Variants in IGSF9 observed in about 807,000 individuals in gnomAD.
IGSF9 encodes immunoglobulin superfamily member 9, also known as protein turtle homolog A.
A neutral mutation model predicts 121.7 loss-of-function variants in IGSF9; 87 were observed. That is an observed-to-expected ratio of 0.71 (90% CI 0.60 to 0.85). The LOEUF is 0.85. IGSF9 is among the 40% of genes least tolerant of loss of function. IGSF9 has a pLI of 0.00. For synonymous variants in IGSF9, 640 were observed against 648.4 expected (o/e 0.99, Z 0.20); for missense variants, 1,462 against 1,565.3 (o/e 0.93, Z 1.11).
chr1:159,939,076 C>T (rs1651290794), intron 3 of IGSF9, among the ~76,000 whole-genome samples: 1 of 152,150 alleles, frequency 6.6e-6, no homozygotes, highest in Admixed American at 6.5e-5. Flanking sequence ...ACCTCCTAAA[C>T]ATTTCCCCTT....
At position 159,937,811 on chromosome 1, in the gene IGSF9, G is replaced by T; in HGVS notation, c.275C>A (p.Ser92Tyr). 6.2e-7 allele frequency: 1 copy of T among 1,614,044 alleles called. No individual in the cohort carries two copies. The highest frequency in any genetic ancestry group is 8.5e-7 in the Non-Finnish European group (1 of 1,179,954). The change falls in exon 4 of 21, where the codon TCT (serine) becomes TAT (tyrosine). Residue 92 changes from serine to tyrosine, a missense_variant. By Grantham distance (144) the Ser-to-Tyr change is moderately radical (BLOSUM62 -2). Coordinates refer to ENST00000368094, the MANE Select transcript of IGSF9 (RefSeq NM_001135050.2). ...VGRVRLQKGA[S>Y]LQIEGLRVED... is the part of the protein sequence containing the mutation. Reference sequence around the variant, plus strand: ...CACCCGGAGACCCTCAATCTGGAGAGAGGCCCCCTTCTGCAGCCGGACTCG... The same window carrying T: ...CACCCGGAGACCCTCAATCTGGAGATAGGCCCCCTTCTGCAGCCGGACTCG...
At position 159,928,683 on chromosome 1, in the gene IGSF9, T is replaced by A. The variant is rs1281489711; in HGVS notation, c.2705A>T (p.Asp902Val). Residue 902 changes from aspartate to valine, a missense_variant, in exon 19 of 21, where the codon GAC (aspartate) becomes GTC (valine). By Grantham distance (152) the Asp-to-Val change is radical (BLOSUM62 -3). Around this residue, in one of 3 missense-constraint regions of IGSF9, gnomAD observed 808 missense variants for 815.2 expected, o/e 0.99. Transcript: ENST00000368094. The part of the protein sequence containing the change: ...SGAPQPLCIE[D>V]ISPVAPPPAA... The stretch of plus-strand genomic sequence containing the variant: ...TGGAGGGGGTGCCACAGGGCTGATG[T>A]CTTCAATGCAGAGGGGCTGGGGTGC... 11 of 1,477,230 alleles carry A rather than the reference T, an allele frequency of 7.4e-6. No individual in the cohort carries two copies. Among genetic ancestry groups the A allele is most frequent in the Non-Finnish European group, 9.9e-6 (11 of 1,112,124 alleles). The allele number at this position is 1,477,230 out of a possible 1,614,324, so 91.5% of individuals were successfully genotyped here.
chr1:159,929,385 G>C lies in IGSF9; in HGVS notation c.2335C>G (p.Leu779Val), dbSNP rs762805461. The change falls in exon 18 of 21, where the codon CTT becomes GTT. Residue 779 changes from leucine to valine, a missense_variant. This residue lies in a region of IGSF9 where 808 missense variants were observed against 815.2 expected (regional missense o/e 0.99). Transcript: ENST00000368094. The part of the protein sequence containing the change: ...RRKRLRQDPP[L>V]IFSPTGKSAA... ...GACTTCCCGGTCGGAGAGAAGATAA[G>C]AGGTGGATCTGGAAGGGCATGAGAA... The C allele has an allele frequency of 1.2e-6, 2 of 1,614,188 alleles. No homozygotes were observed. Among genetic ancestry groups the C allele is most frequent in the Non-Finnish European group, 1.7e-6 (2 of 1,180,014 alleles).
At chr1:159,938,435 C>T (rs992020002) in intron 3 of IGSF9, among the ~76,000 whole-genome samples, 2 of 152,192 alleles carry the variant, frequency 1.3e-5, no homozygotes, top group African/African-American at 4.8e-5. Flanking sequence ...CTCCATGCCC[C>T]GGGGCACTCC....
At position 159,930,296 on chromosome 1, in the gene IGSF9, G is replaced by T. The variant is rs900326578; in HGVS notation, c.1957C>A (p.Leu653Met). 6.2e-7 allele frequency: 1 copy of T among 1,613,866 alleles called. No individual in the cohort carries two copies. Among genetic ancestry groups the T allele is most frequent in the Non-Finnish European group, 8.5e-7 (1 of 1,179,922 alleles). The stretch of plus-strand genomic sequence containing the variant: ...CGGCCTTCCAAGACGTAGCCATCCA[G>T]TCTCTTAGGGACCAGCTCTGGGGGA... ...WDPPELVPKR[L>M]DGYVLEGRQG... The change falls in exon 15 of 21, where the codon CTG becomes ATG. Residue 653 changes from leucine (L) to methionine (M), a missense_variant. By Grantham distance (15) the Leu-to-Met change is conservative. This residue lies in a region of IGSF9 where 808 missense variants were observed against 815.2 expected (regional missense o/e 0.99). Coordinates refer to ENST00000368094, the MANE Select transcript of IGSF9 (RefSeq NM_001135050.2).
intron 15 of IGSF9, 94 bp from the exon 16 acceptor site, chr1:159,930,069 G>A: frequency 6.4e-7 from 1 of 1,551,642 alleles, no homozygotes; most frequent in South Asian, 1.2e-5. Context: ...GGACGGAAGG[G>A]TGAGGTAGGA....
In IGSF9 at chr1:159,929,900, A is replaced by T. The variant is rs1650922913; in HGVS notation, c.2140T>A (p.Ser714Thr). 3.2e-6 allele frequency: 5 copies of T among 1,575,158 alleles called. No individual in the cohort carries two copies. The highest frequency in any genetic ancestry group is 4.3e-6 in the Non-Finnish European group (5 of 1,161,100). Residue 714 changes from serine (S) to threonine (T), a missense_variant, in exon 16 of 21, where the codon TCC (serine) becomes ACC (threonine). This residue lies in a region of IGSF9 where 808 missense variants were observed against 815.2 expected (regional missense o/e 0.99). Transcript: ENST00000368094. ...CACGCCAGGTGCTCACCGGAAGTGG[A>T]GACGTTGGCCGTGTTGCTGGGGTCG... ...VSDPSNTANV[S>T]TSGLEVYPSR...
At chr1:159,941,457 GAACAAAGGATAGGAGCAGACAGT>G (rs1466969497) in intron 3 of IGSF9, among the ~76,000 whole-genome samples, 1 of 152,238 alleles carries the variant, frequency 6.6e-6, no homozygotes, top group Non-Finnish European at 1.5e-5. Context: ...GTAGGGGTGT[GAACAAAGGATAGGAGCAGACAGT>G]AAGTCCCAGA....
chr1:159,944,885 C>T (rs1651532848), intron 1 of IGSF9, among the ~76,000 whole-genome samples: 1 of 152,188 alleles, frequency 6.6e-6, no homozygotes, highest in Non-Finnish European at 1.5e-5. Flanking sequence ...GCAGCTCTCC[C>T]ACACTTCCCT....
At position 159,928,178 on chromosome 1, in the gene IGSF9, A is replaced by G; in HGVS notation, c.3210T>C (p.His1070=). The G allele has an allele frequency of 3.7e-6, 6 of 1,609,466 alleles. No individual in the cohort carries two copies. The highest frequency in any genetic ancestry group is 5.1e-6 in the Non-Finnish European group (6 of 1,179,860). Residue 1070 remains histidine (H), a synonymous_variant, in exon 19 of 21, where the codon CAT becomes CAC. Coordinates refer to ENST00000368094, the MANE Select transcript of IGSF9 (RefSeq NM_001135050.2). ...SGPERWPRRE[H]VVTVSKRRNT... Reference sequence around the variant, plus strand: ...CTCACCTCTTGCTGACTGTCACCACATGCTCCCTTCGGGGCCATCTCTCAG... The same window carrying G: ...CTCACCTCTTGCTGACTGTCACCACGTGCTCCCTTCGGGGCCATCTCTCAG...
chr1:159,930,965 C>G, intron 13 of IGSF9, 98 bp from the exon 14 acceptor site: 1 of 1,437,546 alleles, frequency 7.0e-7, no homozygotes, highest in Non-Finnish European at 9.4e-7. Context: ...CTCAACCATC[C>G]AAGGTCTCAG....
intron 2 of IGSF9, 47 bp from the exon 3 acceptor site, chr1:159,943,198 G>A: frequency 6.7e-7 from 1 of 1,501,034 alleles, no homozygotes. Flanking sequence ...TAGGGTCAGT[G>A]CTGGGAGGGG....
intron 8 of IGSF9, 21 bp downstream of exon 8, chr1:159,934,404 A>C: frequency 6.4e-7 from 1 of 1,571,106 alleles, no homozygotes; most frequent in Non-Finnish European, 8.6e-7. Flanking sequence ...AGGCTGAGGG[A>C]GAAGCTGGGG....
In IGSF9 at chr1:159,937,843, G is replaced by T. The variant is rs1388618194; in HGVS notation, c.248-5C>A. On this transcript the variant is annotated splice_region_variant and splice_polypyrimidine_tract_variant and intron_variant, in intron 3 of 20. Coordinates refer to ENST00000368094, the MANE Select transcript of IGSF9 (RefSeq NM_001135050.2). ...CCTTCTGCAGCCGGACTCGTCCTGGGGGAGGAGCCCTGAATCAAGGGTGCT... is the reference window on the plus strand; with the variant it reads ...CCTTCTGCAGCCGGACTCGTCCTGGTGGAGGAGCCCTGAATCAAGGGTGCT... 2 of 1,612,866 alleles carry T rather than the reference G, an allele frequency of 1.2e-6. No homozygotes were observed. Among genetic ancestry groups the T allele is most frequent in the Non-Finnish European group, 1.7e-6 (2 of 1,179,452 alleles).
chr1:159,930,647 T>C, intron 14 of IGSF9, 45 bp downstream of exon 14: 2 of 1,610,598 alleles, frequency 1.2e-6, no homozygotes, highest in South Asian at 1.1e-5. Context: ...CCAGCAGCCC[T>C]TCCCCATCCT....
At position 159,931,793 on chromosome 1, in the gene IGSF9, G is replaced by T; in HGVS notation, c.1362+19C>A. The T allele has an allele frequency of 6.6e-7, 1 of 1,519,374 alleles. No individual in the cohort carries two copies. Among genetic ancestry groups the T allele is most frequent in the Non-Finnish European group, 8.9e-7 (1 of 1,120,358 alleles). 94.1% of individuals were successfully genotyped at this position (1,519,374 alleles called of 1,614,324 possible). On this transcript the variant is annotated intron_variant, in intron 11 of 20. Transcript: ENST00000368094. This position sits in a 1 kb window ranked among gnomAD's most constrained non-coding sequence, Gnocchi z 4.8. ...TGTAGTGGGCGTGGGTACAGGCAGA[G>T]CGGGCTCAGGAGCCTTACCTTGGTC...
rs757108465 is a variant in IGSF9 at position 159,936,497 on chromosome 1, C to T, written c.575G>A (p.Arg192Gln). The T allele has an allele frequency of 1.9e-6, 3 of 1,613,860 alleles. No individual in the cohort carries two copies. The South Asian group carries it at 3.3e-5, about 18-fold the overall frequency. ...GCTGCCTCGCTCTACCCGGCGGATC[C>T]GCAGCGTCCCGTTCTGCACCTAGGG... is the stretch of plus-strand genomic sequence containing the variant. ...GQVQVQNGTL[R>Q]IRRVERGSSG... The change falls in exon 6 of 21, where the codon CGG (arginine) becomes CAG (glutamine). Residue 192 changes from arginine (R) to glutamine (Q), a missense_variant. Physicochemically the swap from Arg to Gln is conservative, Grantham distance 43. Transcript: ENST00000368094.
chr1:159,945,292 C>A (rs1015878393), intron 1 of IGSF9, among the ~76,000 whole-genome samples: 1 of 151,808 alleles, frequency 6.6e-6, no homozygotes, highest in African/African-American at 2.4e-5. Context: ...TACCCCACCC[C>A]CAACAATTCC....
In IGSF9 at chr1:159,927,907, G is replaced by C; in HGVS notation, c.3231-20C>G. 6.9e-7 allele frequency: 1 copy of C among 1,439,568 alleles called. No individual in the cohort carries two copies. The allele number at this position is 1,439,568 out of a possible 1,614,324, so 89.2% of individuals were successfully genotyped here. A position where few individuals can be genotyped will look rare whatever the true frequency, so the allele number is the denominator to read the frequency against. ...TTCCTCCTGTAAAAAAAAAAAAAAA[G>C]ACAAACATATGGTGTGGGTGGAGGA... is the stretch of plus-strand genomic sequence containing the variant. On this transcript the variant is annotated intron_variant, in intron 19 of 20. Transcript: ENST00000368094.
Sources: gnomAD v4.1 joint callset for allele counts (sites outside exome capture counted in the v4.1 genomes callset) on GRCh38, gnomAD v4.1.1 for gene constraint, gnomAD v4.1.1 regional missense constraint, Gnocchi (gnomAD v3.1) non-coding constraint, MANE v1.5 for transcripts, NCBI Gene and HGNC (gene_info 2026-07-23, HGNC 2026-07-21) for gene names.